The following ABTB3 variants were observed in gnomAD, a reference collection of about 807,000 sequenced individuals.
ABTB3 encodes ankyrin repeat- and BTB/POZ domain-containing protein 3.
chr12:107,607,061 G>C, the ABTB3 span, among the ~76,000 whole-genome samples: 3 of 152,262 alleles, frequency 2.0e-5, no homozygotes, highest in Non-Finnish European at 2.9e-5. Context: ...GGAGATAGAT[G>C]CTGTGTTTAC....
chr12:107,610,138 G>A, the ABTB3 span: 7 of 1,609,966 alleles, frequency 4.3e-6, no homozygotes, highest in Non-Finnish European at 5.1e-6. Context: ...GTTTGCTCCT[G>A]TGCCCCTCTG....
chr12:107,631,361 C>T, the ABTB3 span, among the ~76,000 whole-genome samples: 1 of 152,146 alleles, frequency 6.6e-6, no homozygotes, highest in Non-Finnish European at 1.5e-5. Context: ...CTGATGGACA[C>T]CTTGGTTGAT....
At chr12:107,465,473 G>T in the ABTB3 span, among the ~76,000 whole-genome samples, 1 of 152,144 alleles carries the variant, frequency 6.6e-6, no homozygotes, top group Non-Finnish European at 1.5e-5. Context: ...CTAACATAGG[G>T]CTTGGCACAC....
chr12:107,397,361 C>T, the ABTB3 span, among the ~76,000 whole-genome samples: 1 of 152,184 alleles, frequency 6.6e-6, no homozygotes, highest in Non-Finnish European at 1.5e-5. Flanking sequence ...TATCTCTGAT[C>T]ATGAGGGCAT....
At chr12:107,540,175 C>G in the ABTB3 span, among the ~76,000 whole-genome samples, 1 of 152,120 alleles carries the variant, frequency 6.6e-6, no homozygotes, top group Non-Finnish European at 1.5e-5. Context: ...CTGGGAAGTT[C>G]AAGATCAAGA....
the ABTB3 span, among the ~76,000 whole-genome samples, chr12:107,573,524 T>C: frequency 6.8e-6 from 1 of 146,788 alleles, no homozygotes; most frequent in African/African-American, 2.5e-5. Flanking sequence ...ATGGAACAGA[T>C]GGTGAGTGGA....
chr12:107,636,338 C>T, the ABTB3 span, among the ~76,000 whole-genome samples: 1 of 152,148 alleles, frequency 6.6e-6, no homozygotes. Context: ...GGGCCTGTCT[C>T]CCTGCTACCT....
chr12:107,489,195 G>A, the ABTB3 span, among the ~76,000 whole-genome samples: 1 of 152,102 alleles, frequency 6.6e-6, no homozygotes. Context: ...TTTAGAAAAC[G>A]AATATAGCAA....
At chr12:107,462,620 G>A in the ABTB3 span, among the ~76,000 whole-genome samples, 1 of 151,994 alleles carries the variant, frequency 6.6e-6, no homozygotes, top group Non-Finnish European at 1.5e-5. Context: ...TGATGATGGT[G>A]ATGATGATGG....
chr12:107,358,748 C>A, the ABTB3 span, among the ~76,000 whole-genome samples: 1 of 152,182 alleles, frequency 6.6e-6, no homozygotes, highest in African/African-American at 2.4e-5. Flanking sequence ...GTGCACACCA[C>A]CACACACAGC....
At chr12:107,469,863 TTCTTTTCTTTC>T in the ABTB3 span, among the ~76,000 whole-genome samples, 6 of 141,224 alleles carry the variant, frequency 4.2e-5, no homozygotes, top group African/African-American at 1.7e-4. Flanking sequence ...CTTTCTTTCT[TTCTTTTCTTTC>T]TTTCTTTCTT....
At chr12:107,320,037 A>T in the ABTB3 span, 8 of 1,544,726 alleles carry the variant, frequency 5.2e-6, no homozygotes, top group Non-Finnish European at 7.0e-6. Flanking sequence ...GGTCTCCTGC[A>T]GCCCTACCAG....
the ABTB3 span, among the ~76,000 whole-genome samples, chr12:107,374,180 T>C: frequency 3.3e-5 from 5 of 152,186 alleles, no homozygotes; most frequent in Non-Finnish European, 7.4e-5. Context: ...GTCAGAGCAC[T>C]TCTTTGTTCT....
At chr12:107,477,660 A>T in the ABTB3 span, among the ~76,000 whole-genome samples, 1 of 152,162 alleles carries the variant, frequency 6.6e-6, no homozygotes, top group Non-Finnish European at 1.5e-5. Context: ...ATTCTATTTT[A>T]TGCACCAACA....
At chr12:107,545,710 G>T in the ABTB3 span, among the ~76,000 whole-genome samples, 32 of 152,200 alleles carry the variant, frequency 2.1e-4, no homozygotes, top group African/African-American at 7.7e-4. Flanking sequence ...GCCCCAAATG[G>T]AGAGGTGGTA....
At chr12:107,414,722 CTTT>C in the ABTB3 span, among the ~76,000 whole-genome samples, 1 of 139,950 alleles carries the variant, frequency 7.1e-6, no homozygotes, top group Non-Finnish European at 1.5e-5. Flanking sequence ...TTTTCTTTTT[CTTT>C]TTTTTTTTTT....
the ABTB3 span, among the ~76,000 whole-genome samples, chr12:107,602,920 T>C: frequency 4.6e-5 from 7 of 152,180 alleles, no homozygotes; most frequent in African/African-American, 1.4e-4. Context: ...ATTGAGCCTA[T>C]CTCTCGGGGC....
the ABTB3 span, among the ~76,000 whole-genome samples, chr12:107,563,989 G>A: frequency 6.6e-6 from 1 of 152,134 alleles, no homozygotes; most frequent in African/African-American, 2.4e-5. Context: ...TGGCAGCAAT[G>A]TGAAAGGATT....
the ABTB3 span, among the ~76,000 whole-genome samples, chr12:107,451,378 C>T: frequency 2.0e-5 from 3 of 152,218 alleles, no homozygotes; most frequent in Non-Finnish European, 4.4e-5. Context: ...CACCCTGCAA[C>T]CCTCTGCTGC....
Sources: gnomAD v4.1 joint callset for allele counts (sites outside exome capture counted in the v4.1 genomes callset) on GRCh38, gnomAD v4.1.1 for gene constraint, MANE v1.5 for transcripts, NCBI Gene and HGNC (gene_info 2026-07-23, HGNC 2026-07-21) for gene names.